The following TTN variants were observed in gnomAD, a reference collection of about 807,000 sequenced individuals.
TTN encodes the protein connectin.
Under a neutral mutation model 3,223.0 loss-of-function variants are expected in TTN, and 1,525 were observed. That is an observed-to-expected ratio of 0.47 (90% CI 0.45 to 0.49). The LOEUF is 0.49. Ranked by LOEUF, TTN falls within the 20% of genes least tolerant of loss-of-function variation. TTN has a pLI of 0.00. For synonymous variants in TTN, 14,094 were observed against 15,161.0 expected (o/e 0.93, Z 5.17); for missense variants, 40,786 against 43,424.0 (o/e 0.94, Z 5.40).
At chr2:178,646,105 T>C (rs577010127) in intron 216 of TTN, 75 bp from the exon 217 acceptor site, 34 of 17,876 alleles carry the variant, frequency 1.9e-3, no homozygotes, top group African/African-American at 8.4e-3. Context: ...TAATAGAAAT[T>C]ATATATATAT....
Position 178,559,563 on chromosome 2 carries a change from C to T in TTN, c.86569G>A (p.Val28857Ile), listed in dbSNP as rs780040559. The stretch of plus-strand genomic sequence containing the variant: ...GATAACACTGCAGACTCTTTGGTTA[C>T]ATCTTGCACAGTAATGTTGGTTGGA... ...GPPTNITVQD[V>I]TKESAVLSWD... The change falls in exon 326 of 363, where the codon GTA becomes ATA. Residue 28857 changes from valine to isoleucine, a missense_variant. Transcript: ENST00000589042. 1.2e-6 allele frequency: 2 copies of T among 1,613,742 alleles called. No individual in the cohort carries two copies. The highest frequency in any genetic ancestry group is 3.3e-5 in the Admixed American group (2 of 59,994).
intron 43 of TTN, among the ~76,000 whole-genome samples, chr2:178,760,720 C>G (rs1190103879): frequency 6.6e-6 from 1 of 152,142 alleles, no homozygotes; most frequent in Non-Finnish European, 1.5e-5. Context: ...GCCACTGGCA[C>G]AAGTCAGTCA....
chr2:178,549,488 C>G lies in TTN; in HGVS notation c.92153-15G>C, dbSNP rs752902967. On this transcript the variant is annotated splice_polypyrimidine_tract_variant and intron_variant, in intron 338 of 362. Transcript: ENST00000589042. ...ATCAGGAACAGCTGTAAAACAAAAA[C>G]AAAACCCCAAATCAATTAGATGCAT... 6.3e-7 allele frequency: 1 copy of G among 1,594,500 alleles called. No individual in the cohort carries two copies. Among genetic ancestry groups the G allele is most frequent in the Non-Finnish European group, 8.6e-7 (1 of 1,169,110 alleles).
chr2:178,802,078 C>T, intron 3 of TTN, 60 bp downstream of exon 3: 1 of 1,608,224 alleles, frequency 6.2e-7, no homozygotes, highest in Non-Finnish European at 8.5e-7. Flanking sequence ...GACTCCTTTC[C>T]CAATTTGCTG....
In TTN at chr2:178,528,740, C is replaced by T. The variant is rs1397922467; in HGVS notation, c.107011G>A (p.Asp35671Asn). Reference protein sequence around the residue: ...TLTIKQASHRDEGILTCISKT... With the variant: ...TLTIKQASHRNEGILTCISKT... ...CTTATGCAGGTGAGGATTCCTTCATCTCTGTGACTGGCTTGCTTGATGGTT... is the reference window on the plus strand; with the variant it reads ...CTTATGCAGGTGAGGATTCCTTCATTTCTGTGACTGGCTTGCTTGATGGTT... Residue 35671 changes from aspartate (D) to asparagine (N), a missense_variant, in exon 360 of 363, where the codon GAT (aspartate) becomes AAT (asparagine). Asp to Asn is a conservative substitution (Grantham distance 23). Coordinates refer to ENST00000589042, the MANE Select transcript of TTN (RefSeq NM_001267550.2). The T allele has an allele frequency of 1.9e-6, 3 of 1,613,262 alleles. No individual in the cohort carries two copies. The highest frequency in any genetic ancestry group is 2.5e-6 in the Non-Finnish European group (3 of 1,179,404).
Position 178,715,113 on chromosome 2 carries a change from T to C in TTN, c.26073A>G (p.Ile8691Met). ...RELRSGKKYKIMSENFLTSIH... is the reference protein window; with the variant it reads ...RELRSGKKYKMMSENFLTSIH... ...TACTGGTTAGGAAGTTCTCAGACAT[T>C]ATCTTGTACTTCTTGCCGCTCCTAA... The change falls in exon 90 of 363, where the codon ATA becomes ATG. Residue 8691 changes from isoleucine (I) to methionine (M), a missense_variant. Coordinates refer to ENST00000589042, the MANE Select transcript of TTN (RefSeq NM_001267550.2). 2 of 1,613,732 alleles carry C rather than the reference T, an allele frequency of 1.2e-6. No homozygotes were observed. The highest frequency in any genetic ancestry group is 8.5e-7 in the Non-Finnish European group (1 of 1,179,704).
chr2:178,714,597 G>C (rs1174951386), intron 90 of TTN, 24 bp from the exon 91 acceptor site: 2 of 1,560,000 alleles, frequency 1.3e-6, no homozygotes, highest in Middle Eastern at 1.7e-4. Context: ...AGGAAAGCCT[G>C]GGTTTTAAAA....
intron 100 of TTN, among the ~76,000 whole-genome samples, 187 bp downstream of exon 100, chr2:178,707,339 C>T (rs1022850493): frequency 6.6e-6 from 1 of 152,134 alleles, no homozygotes; most frequent in African/African-American, 2.4e-5. Flanking sequence ...ATTTCAGATA[C>T]TTTGTATTGA....
At chr2:178,792,975 CAT>C in intron 9 of TTN, among the ~76,000 whole-genome samples, 1 of 152,244 alleles carries the variant, frequency 6.6e-6, no homozygotes. Flanking sequence ...ACTTCAAACT[CAT>C]GTGCAAATGT....
chr2:178,772,257 G>A (rs949519479), intron 33 of TTN, among the ~76,000 whole-genome samples: 11 of 151,912 alleles, frequency 7.2e-5, no homozygotes, highest in Admixed American at 5.9e-4. Flanking sequence ...TTCATGGTCC[G>A]ATCTCTGAAG....
intron 221 of TTN, 97 bp downstream of exon 221, chr2:178,640,444 A>C: frequency 9.0e-7 from 1 of 1,112,962 alleles, no homozygotes; most frequent in Non-Finnish European, 1.3e-6. Context: ...TAACAGATTA[A>C]GGTCATGTGT....
chr2:178,771,464 G>A lies in TTN; in HGVS notation c.7863C>T (p.Ala2621=), dbSNP rs777576405. The A allele has an allele frequency of 1.9e-6, 3 of 1,613,728 alleles. No homozygotes were observed. The South Asian group carries it at 3.3e-5, about 18-fold the overall frequency. Residue 2621 remains alanine (A), a synonymous_variant, in exon 34 of 363, where the codon GCC becomes GCT. Transcript: ENST00000589042. ...TSGKLTVAGG[A]ISKPLTDQTV... The stretch of plus-strand genomic sequence containing the variant: ...TCTGATCTGTGAGTGGCTTGGAGAT[G>A]GCCCCACCTTTGGAACAAGAGATGT...
chr2:178,746,966 T>A (rs781217345), intron 47 of TTN: 2 of 1,613,472 alleles, frequency 1.2e-6, no homozygotes, highest in South Asian at 2.2e-5. Context: ...GAAATGCTCA[T>A]TTGGTGTACC....
intron 242 of TTN, among the ~76,000 whole-genome samples, chr2:178,624,005 T>C (rs559685953): frequency 1.3e-5 from 2 of 152,106 alleles, no homozygotes; most frequent in East Asian, 3.9e-4. Context: ...ATCTCTAGTA[T>C]GCTCCTATTC....
rs2077848883 is a variant in TTN at position 178,718,564 on chromosome 2, C to A, written c.24542G>T (p.Ser8181Ile). The change falls in exon 85 of 363, where the codon AGT (serine) becomes ATT (isoleucine). Residue 8181 changes from serine to isoleucine, a missense_variant. Ser to Ile is a moderately radical substitution (Grantham distance 142). Transcript: ENST00000589042. ...ATFVKRLADF[S>I]VETGSPIVLE... is the part of the protein sequence containing the mutation. ...AACTATGGGGCTTCCTGTCTCAACA[C>A]TGAAATCAGCCAATCTTTTCACAAA... 6.2e-7 allele frequency: 1 copy of A among 1,613,190 alleles called. No individual in the cohort carries two copies. The highest frequency in any genetic ancestry group is 1.3e-5 in the African/African-American group (1 of 75,018).
At chr2:178,619,020 G>A (rs1383850787) in intron 250 of TTN, 167 bp from the exon 251 acceptor site, 3 of 847,278 alleles carry the variant, frequency 3.5e-6, no homozygotes, top group Non-Finnish European at 5.0e-6. Context: ...ATAGCTTTTT[G>A]TTGTTGTTGT....
rs569435007 is a variant in TTN, at chr2:178,803,590, T to C, written c.91+962A>G. 3.3e-5 allele frequency among the ~76,000 whole-genome samples: 5 copies of C among 151,520 alleles called. No individual in the cohort carries two copies. In the South Asian group the frequency reaches 1.0e-3, roughly 32 times the overall value. ...TTATGAATAAGATTGGTGCATATAATAGAAAAAAAGAGAAAAAAAGAAATT... is the reference window on the plus strand; with the variant it reads ...TTATGAATAAGATTGGTGCATATAACAGAAAAAAAGAGAAAAAAAGAAATT... On this transcript the variant is annotated intron_variant, in intron 2 of 362. Transcript: ENST00000589042.
At position 178,547,621 on chromosome 2, in the gene TTN, A is replaced by G; in HGVS notation, c.94005T>C (p.Asp31335=). 1.9e-6 allele frequency: 3 copies of G among 1,613,878 alleles called. No homozygotes were observed. Among genetic ancestry groups the G allele is most frequent in the Non-Finnish European group, 2.5e-6 (3 of 1,179,830 alleles). Residue 31335 remains aspartate, a synonymous_variant, in exon 339 of 363, where the codon GAT becomes GAC. Coordinates refer to ENST00000589042, the MANE Select transcript of TTN (RefSeq NM_001267550.2). The part of the protein sequence containing the change: ...SCVLSWGEPK[D]GGGTEITNYI... Reference sequence around the variant, plus strand: ...AATTAGTAATTTCAGTGCCTCCTCCATCTTTAGGTTCTCCCCATGACAGGA... The same window carrying G: ...AATTAGTAATTTCAGTGCCTCCTCCGTCTTTAGGTTCTCCCCATGACAGGA...
Position 178,576,988 on chromosome 2 carries a change from G to T in TTN, c.69347C>A (p.Ala23116Asp), listed in dbSNP as rs2154173466. The T allele has an allele frequency of 5.6e-6, 9 of 1,613,494 alleles. No homozygotes were observed. Among genetic ancestry groups the T allele is most frequent in the Non-Finnish European group, 7.6e-6 (9 of 1,179,580 alleles). Residue 23116 changes from alanine to aspartate, a missense_variant, in exon 324 of 363, where the codon GCT (alanine) becomes GAT (aspartate). By Grantham distance (126) the Ala-to-Asp change is moderately radical. Transcript: ENST00000589042. This position sits in a 1 kb window ranked among gnomAD's most constrained non-coding sequence, Gnocchi z 4.3. ...QGNEYIFRVSAVNHYGKGEPV... is the reference protein window; with the variant it reads ...QGNEYIFRVSDVNHYGKGEPV... Reference sequence around the variant, plus strand: ...TTCTCCTTTGCCATAGTGGTTTACAGCTGAGACCCGGAAGATGTACTCATT... The same window carrying T: ...TTCTCCTTTGCCATAGTGGTTTACATCTGAGACCCGGAAGATGTACTCATT...
Sources: gnomAD v4.1 joint callset for allele counts (sites outside exome capture counted in the v4.1 genomes callset) on GRCh38, gnomAD v4.1.1 for gene constraint, Gnocchi (gnomAD v3.1) non-coding constraint, MANE v1.5 for transcripts, NCBI Gene and HGNC (gene_info 2026-07-23, HGNC 2026-07-21) for gene names.